The following LRRC72 variants were observed in gnomAD, a reference collection of about 807,000 sequenced individuals.
LRRC72 encodes leucine-rich repeat-containing protein 72.
A neutral mutation model predicts 35.8 loss-of-function variants in LRRC72; 41 were observed. That is an observed-to-expected ratio of 1.15 (90% CI 0.89 to 1.49). The LOEUF is 1.49. LRRC72 is among the 40% of genes most tolerant of loss of function. The pLI is 0.00. For synonymous variants in LRRC72, 118 were observed against 119.2 expected, an observed-to-expected ratio of 0.99 and a Z score of 0.07; for missense variants, 389 against 330.7, an observed-to-expected ratio of 1.18 and a Z score of -1.37.
At chr7:16,571,193 T>G (rs1438431842) in intron 7 of LRRC72, among the ~76,000 whole-genome samples, 1 of 152,014 alleles carries the variant, frequency 6.6e-6, no homozygotes. Context: ...AAAATGGAAT[T>G]CTAAGGCCCG....
intron 7 of LRRC72, among the ~76,000 whole-genome samples, chr7:16,574,196 T>C (rs1165193744): frequency 6.6e-6 from 1 of 152,212 alleles, no homozygotes; most frequent in Non-Finnish European, 1.5e-5. Context: ...TTTTACACTC[T>C]TGGGGCAGTG....
At chr7:16,536,781 G>A (rs951681212) in intron 2 of LRRC72, 5 of 152,078 alleles carry the variant, frequency 3.3e-5, no homozygotes, top group African/African-American at 1.2e-4. Context: ...TGCCATAAAT[G>A]AATTAATATC....
chr7:16,529,346 G>A (rs1583632650), intron 1 of LRRC72, among the ~76,000 whole-genome samples: 2 of 152,226 alleles, frequency 1.3e-5, no homozygotes, highest in South Asian at 2.1e-4. Context: ...CTGACTGTCG[G>A]TTGTGCCCTG....
chr7:16,569,906 T>C (rs930967448), intron 7 of LRRC72, among the ~76,000 whole-genome samples: 22 of 152,018 alleles, frequency 1.4e-4, no homozygotes, highest in Non-Finnish European at 2.4e-4. Context: ...TGATGGCACC[T>C]GTAATTCCAG....
At chr7:16,531,119 G>A (rs1384571223) in intron 1 of LRRC72, among the ~76,000 whole-genome samples, 1 of 150,976 alleles carries the variant, frequency 6.6e-6, no homozygotes, top group Non-Finnish European at 1.5e-5. Flanking sequence ...GGAGGCAGAG[G>A]TTGCAGTGAG....
At chr7:16,540,139 C>T (rs868404577) in intron 3 of LRRC72, among the ~76,000 whole-genome samples, 1 of 152,182 alleles carries the variant, frequency 6.6e-6, no homozygotes, top group Non-Finnish European at 1.5e-5. Flanking sequence ...GGGGGTTGTA[C>T]CCTGAAAAAC....
intron 1 of LRRC72, among the ~76,000 whole-genome samples, chr7:16,529,757 A>G (rs979813053): frequency 6.6e-6 from 1 of 152,258 alleles, no homozygotes; most frequent in Non-Finnish European, 1.5e-5. Flanking sequence ...TTATGCTGAT[A>G]CATTCAATTT....
rs1408752649 is a variant in LRRC72, at chr7:16,575,578, TATA to T, written c.671-4492_671-4490del. On this transcript the variant is annotated intron_variant, in intron 7 of 8. Coordinates refer to ENST00000401542, the MANE Select transcript of LRRC72 (RefSeq NM_001195280.2). ...TTAGATTTCTGATTTTTAAAATGAG[TATA>T]ATATCTTGCTTTGACTGTTATGCTT... is the stretch of plus-strand genomic sequence containing the variant. 2.6e-5 allele frequency among the ~76,000 whole-genome samples: 4 copies of T among 152,216 alleles called. No homozygotes were observed. The East Asian group carries it at 7.7e-4, about 29-fold the overall frequency.
chr7:16,547,284 G>C (rs1583640839), intron 3 of LRRC72, among the ~76,000 whole-genome samples: 1 of 152,208 alleles, frequency 6.6e-6, no homozygotes, highest in Non-Finnish European at 1.5e-5. Flanking sequence ...CCCACTGGTG[G>C]AGGAGCAGTG....
intron 5 of LRRC72, 52 bp downstream of exon 5, chr7:16,559,051 G>C: frequency 9.2e-7 from 1 of 1,089,272 alleles, no homozygotes; most frequent in Non-Finnish European, 1.3e-6. Flanking sequence ...ATTAACATAA[G>C]ACATTTTTCC....
intron 5 of LRRC72, among the ~76,000 whole-genome samples, chr7:16,562,063 G>A (rs1311511016): frequency 2.0e-5 from 3 of 152,194 alleles, no homozygotes; most frequent in African/African-American, 7.2e-5. Context: ...TGGCATTTAT[G>A]AGGAGAATTG....
chr7:16,576,235 T>C (rs1783037700), intron 7 of LRRC72, among the ~76,000 whole-genome samples: 2 of 152,330 alleles, frequency 1.3e-5, no homozygotes, highest in South Asian at 4.1e-4. Flanking sequence ...ATAAAACTAA[T>C]AAAACGCGCT....
chr7:16,540,622 A>G (rs946126688), intron 3 of LRRC72, among the ~76,000 whole-genome samples: 5 of 152,098 alleles, frequency 3.3e-5, no homozygotes, highest in African/African-American at 1.2e-4. Context: ...CGTAATCCCC[A>G]CGTGTCAGGG....
intron 3 of LRRC72, among the ~76,000 whole-genome samples, chr7:16,556,583 C>T (rs1782654192): frequency 6.6e-6 from 1 of 152,112 alleles, no homozygotes; most frequent in African/African-American, 2.4e-5. Context: ...ATTACAGAGC[C>T]CATGGCTAAA....
At chr7:16,543,271 T>C (rs1782391338) in intron 3 of LRRC72, among the ~76,000 whole-genome samples, 1 of 152,176 alleles carries the variant, frequency 6.6e-6, no homozygotes, top group South Asian at 2.1e-4. Flanking sequence ...CCCTGAGATA[T>C]GAATATATTT....
intron 3 of LRRC72, among the ~76,000 whole-genome samples, chr7:16,542,243 T>G (rs1026037359): frequency 1.3e-5 from 2 of 152,170 alleles, no homozygotes; most frequent in South Asian, 4.1e-4. Flanking sequence ...GCACCTGCGC[T>G]TAGAAAGGGA....
At chr7:16,563,945 G>T (rs977038323) in intron 5 of LRRC72, among the ~76,000 whole-genome samples, 1 of 152,178 alleles carries the variant, frequency 6.6e-6, no homozygotes, top group African/African-American at 2.4e-5. Flanking sequence ...TAATGTAACA[G>T]TAGTAAATCC....
chr7:16,567,552 T>TTGGAA lies in LRRC72; in HGVS notation c.670+9_670+10insTGGAA. The TTGGAA allele has an allele frequency of 9.2e-7, 1 of 1,091,612 alleles. No homozygotes were observed. Among genetic ancestry groups the TTGGAA allele is most frequent in the East Asian group, 3.5e-5 (1 of 28,908 alleles). 67.6% of individuals were successfully genotyped at this position (1,091,612 alleles called of 1,614,324 possible). ...CCAGAGAGTACCTTCAGGTATTTCG[T>TTGGAA]AAAAAAAAAAAAAAAAACAAATTTA... On this transcript the variant is annotated intron_variant, in intron 7 of 8. Transcript: ENST00000401542.
chr7:16,546,508 GAGA>G (rs757220248), intron 3 of LRRC72, among the ~76,000 whole-genome samples: 2 of 152,090 alleles, frequency 1.3e-5, no homozygotes, highest in East Asian at 3.9e-4. Context: ...CACCTCCACT[GAGA>G]ATCATTCAAT....
Sources: allele counts gnomAD v4.1 joint callset (sites outside exome capture counted in the v4.1 genomes callset), GRCh38; gene constraint gnomAD v4.1.1; transcripts MANE v1.5; gene names NCBI Gene and HGNC (gene_info 2026-07-23, HGNC 2026-07-21).